The following EXT1 variants were observed in gnomAD, a reference collection of about 807,000 sequenced individuals.
The protein encoded by EXT1 is exostosin-1.
In EXT1, 20 loss-of-function variants were observed where a neutral mutation model predicts 82.5. The observed-to-expected ratio is 0.24, with a 90% CI of 0.17 to 0.35. The LOEUF (loss-of-function observed/expected upper bound fraction) is 0.35. EXT1 is among the 10% of genes least tolerant of loss of function. EXT1 has a pLI of 1.00. For missense variants in EXT1, 757 were observed against 936.5 expected, an observed-to-expected ratio of 0.81 and a Z score of 2.50; for synonymous variants, 348 against 350.8, an observed-to-expected ratio of 0.99 and a Z score of 0.09.
intron 1 of EXT1, among the ~76,000 whole-genome samples, chr8:117,951,746 A>C (rs1340185870): frequency 6.6e-6 from 1 of 152,246 alleles, no homozygotes; most frequent in Non-Finnish European, 1.5e-5. Flanking sequence ...TATAAGCTAC[A>C]ACCCATGGCC....
At chr8:117,821,170 G>A (rs1236539390) in intron 5 of EXT1, among the ~76,000 whole-genome samples, 2 of 152,170 alleles carry the variant, frequency 1.3e-5, no homozygotes, top group Non-Finnish European at 2.9e-5. Context: ...GCTAGAATCA[G>A]ACTATATGTG....
chr8:118,075,454 C>T (rs1002031074), intron 1 of EXT1, among the ~76,000 whole-genome samples: 1 of 152,186 alleles, frequency 6.6e-6, no homozygotes, highest in Non-Finnish European at 1.5e-5. Context: ...CTGCACCCTA[C>T]ACAGTGTTTC....
intron 1 of EXT1, among the ~76,000 whole-genome samples, chr8:117,855,936 C>T (rs1039927813): frequency 6.6e-6 from 1 of 152,184 alleles, no homozygotes; most frequent in Non-Finnish European, 1.5e-5. Flanking sequence ...TCCCAAAGTG[C>T]TGGGATTACA....
chr8:118,111,149 A>C lies in EXT1; in HGVS notation c.-103T>G. On this transcript the variant is annotated 5_prime_UTR_variant, in exon 1 of 11. Coordinates refer to ENST00000378204, the MANE Select transcript of EXT1 (RefSeq NM_000127.3). The stretch of plus-strand genomic sequence containing the variant: ...GTCCGCCATCTTCCCGCCTGTAAAG[A>C]CTTCAAACTCTCCGCTCCCACCTTC... 1 of 1,485,986 alleles carries C rather than the reference A, an allele frequency of 6.7e-7. No homozygotes were observed. Among genetic ancestry groups the C allele is most frequent in the Non-Finnish European group, 9.1e-7 (1 of 1,102,416 alleles). 92.1% of individuals were successfully genotyped at this position (1,485,986 alleles called of 1,614,324 possible).
intron 1 of EXT1, among the ~76,000 whole-genome samples, chr8:118,060,314 T>C (rs1816862674): frequency 1.3e-5 from 2 of 152,232 alleles, no homozygotes; most frequent in Admixed American, 1.3e-4. Flanking sequence ...GTGTTTGATT[T>C]GGACCTCCGA....
intron 5 of EXT1, 29 bp from the exon 6 acceptor site, chr8:117,819,823 T>G (rs746649759): frequency 1.1e-5 from 17 of 1,596,592 alleles, no homozygotes; most frequent in Non-Finnish European, 1.5e-5. Context: ...TAGAGCCTAA[T>G]GAAGCGCTGG....
In EXT1 at chr8:118,039,628, A is replaced by C. The variant is rs11562728; in HGVS notation, c.962+70457T>G. On this transcript the variant is annotated intron_variant, in intron 1 of 10. Transcript: ENST00000378204. ...AAAAGACCACCGACTGGTACTATCA[A>C]CATGCCAGAAGAGTGAAAATTTTTG... Among the ~76,000 whole-genome samples, 825 of 152,118 alleles carry C rather than the reference A, an allele frequency of 5.4e-3. 9 individuals carry two copies. Among genetic ancestry groups the C allele is most frequent in the African/African-American group, 0.017 (709 of 41,488 alleles).
chr8:117,930,388 A>C (rs114526556), intron 1 of EXT1, among the ~76,000 whole-genome samples: 3,099 of 148,648 alleles, frequency 0.021, 117 homozygotes, highest in African/African-American at 0.076. Context: ...CTTTATTCAT[A>C]TATCAAAAAA....
intron 1 of EXT1, among the ~76,000 whole-genome samples, chr8:117,882,980 G>GAAAA (rs1320976687): frequency 9.1e-5 from 6 of 65,852 alleles, no homozygotes; most frequent in African/African-American, 1.9e-4. Flanking sequence ...CTGTCTCAAA[G>GAAAA]AAAAAAAAAA....
At chr8:117,920,174 G>A (rs1217273085) in intron 1 of EXT1, among the ~76,000 whole-genome samples, 2 of 151,946 alleles carry the variant, frequency 1.3e-5, no homozygotes, top group Non-Finnish European at 2.9e-5. Flanking sequence ...ACGCGATCTC[G>A]GCTCACTGCA....
chr8:117,986,792 C>T (rs951317668), intron 1 of EXT1, among the ~76,000 whole-genome samples: 1 of 152,168 alleles, frequency 6.6e-6, no homozygotes, highest in African/African-American at 2.4e-5. Flanking sequence ...ATAGGACAGT[C>T]AGTCATAAAT....
Position 117,795,141 on chromosome 8 carries a change from G to A in EXT1, c.*4571C>T, listed in dbSNP as rs1453231421. 1 of 152,200 alleles carries A rather than the reference G, an allele frequency of 6.6e-6. No homozygotes were observed. The highest frequency in any genetic ancestry group is 1.5e-5 in the Non-Finnish European group (1 of 68,038). 9.4% of individuals were successfully genotyped at this position (152,200 alleles called of 1,614,324 possible). ...GCCTGACTTGATTTTAAACAAGGGT[G>A]AGACTGTGCTATCCTGAGGGCTCAG... On this transcript the variant is annotated 3_prime_UTR_variant, in exon 11 of 11. Transcript: ENST00000378204.
intron 1 of EXT1, among the ~76,000 whole-genome samples, chr8:118,043,844 G>C (rs1816576704): frequency 6.6e-6 from 1 of 152,096 alleles, no homozygotes; most frequent in South Asian, 2.1e-4. Flanking sequence ...CAAAAAACAG[G>C]TAAAAGTCCA....
In EXT1 at chr8:118,111,613, C is replaced by G. The variant is rs1036931460; in HGVS notation, c.-567G>C. On this transcript the variant is annotated 5_prime_UTR_variant, in exon 1 of 11. Transcript: ENST00000378204. ...AAATCCCTGCATCTCTCTTTATTCC[C>G]TTCTGCAGCGGCTCCAAGACTCCGG... 1.8e-4 allele frequency: 73 copies of G among 399,966 alleles called. No homozygotes were observed. The highest frequency in any genetic ancestry group is 8.7e-4 in the Admixed American group (20 of 23,030). The allele number at this position is 399,966 out of a possible 1,614,324, so 24.8% of individuals were successfully genotyped here. A position where few individuals can be genotyped will look rare whatever the true frequency, so the allele number is the denominator to read the frequency against.
intron 1 of EXT1, among the ~76,000 whole-genome samples, chr8:117,993,893 C>G (rs970865579): frequency 6.6e-6 from 1 of 152,224 alleles, no homozygotes; most frequent in Non-Finnish European, 1.5e-5. Flanking sequence ...CTCAAGTCCC[C>G]ATCCCAGCCC....
At chr8:117,907,463 T>C (rs191387619) in intron 1 of EXT1, among the ~76,000 whole-genome samples, 7 of 152,346 alleles carry the variant, frequency 4.6e-5, no homozygotes, top group Admixed American at 3.9e-4. Context: ...GTCCATCCTT[T>C]GACTTTTGCT....
At chr8:117,925,578 C>T (rs17504504) in intron 1 of EXT1, among the ~76,000 whole-genome samples, 8 of 151,146 alleles carry the variant, frequency 5.3e-5, no homozygotes, top group African/African-American at 1.9e-4. Context: ...GACATAAAAA[C>T]AAGAAATTGG....
chr8:117,831,420 C>A (rs1183936626), intron 3 of EXT1, among the ~76,000 whole-genome samples: 2 of 152,198 alleles, frequency 1.3e-5, no homozygotes, highest in African/African-American at 4.8e-5. Flanking sequence ...GGATCAATTG[C>A]TTAATGTTTG....
intron 1 of EXT1, among the ~76,000 whole-genome samples, chr8:117,920,247 G>C (rs1442128364): frequency 6.6e-6 from 1 of 152,010 alleles, no homozygotes; most frequent in African/African-American, 2.4e-5. Context: ...TGGGATTACA[G>C]GTATATGGCA....
Sources: allele counts gnomAD v4.1 joint callset (sites outside exome capture counted in the v4.1 genomes callset), GRCh38; gene constraint gnomAD v4.1.1; transcripts MANE v1.5; gene names NCBI Gene and HGNC (gene_info 2026-07-23, HGNC 2026-07-21).